The following DSCAML1 variants were observed in gnomAD, a reference collection of about 807,000 sequenced individuals.
The protein encoded by DSCAML1 is DS cell adhesion molecule like 1, also known as cell adhesion molecule DSCAML1.
Under a neutral mutation model 200.5 loss-of-function variants are expected in DSCAML1, and 38 were observed. The observed-to-expected ratio is 0.19, with a 90% CI of 0.15 to 0.25. The LOEUF (loss-of-function observed/expected upper bound fraction) is 0.25. Among genes scored for constraint, DSCAML1 ranks in the 10% least tolerant of loss-of-function variants. The probability of loss-of-function intolerance (pLI) is 1.00; values close to 1 mark genes in which losing one functional copy is unlikely to be tolerated. For missense variants in DSCAML1, 2,223 were observed against 2,858.8 expected (o/e 0.78, Z 5.07); for synonymous variants, 1,215 against 1,165.0 (o/e 1.04, Z -0.87).
chr11:117,813,194 T>C (rs1027219827), intron 1 of DSCAML1, among the ~76,000 whole-genome samples: 1 of 152,184 alleles, frequency 6.6e-6, no homozygotes, highest in South Asian at 2.1e-4. Context: ...CACTTTCCCT[T>C]CTCAGAAGTC....
intron 3 of DSCAML1, among the ~76,000 whole-genome samples, chr11:117,533,741 C>T (rs989284890): frequency 6.6e-6 from 1 of 152,110 alleles, no homozygotes; most frequent in Non-Finnish European, 1.5e-5. Flanking sequence ...TGTCTAAGGT[C>T]CTAAGGCTCA....
At chr11:117,547,648 C>T (rs548914765) in intron 3 of DSCAML1, among the ~76,000 whole-genome samples, 8 of 152,338 alleles carry the variant, frequency 5.3e-5, no homozygotes, top group African/African-American at 1.7e-4. Context: ...CAACACCCCG[C>T]GTGCTATAAA....
intron 21 of DSCAML1, among the ~76,000 whole-genome samples, chr11:117,443,660 C>G (rs574740190): frequency 6.6e-6 from 1 of 152,200 alleles, no homozygotes; most frequent in Non-Finnish European, 1.5e-5. Context: ...CCTGTCCACC[C>G]GCCCCAGGCA....
Position 117,469,776 on chromosome 11 carries a change from T to A in DSCAML1, c.3024+134A>T. 2.7e-6 allele frequency: 2 copies of A among 737,518 alleles called. No individual in the cohort carries two copies. The highest frequency in any genetic ancestry group is 4.0e-6 in the Non-Finnish European group (2 of 497,530). 45.7% of individuals were successfully genotyped at this position (737,518 alleles called of 1,614,324 possible). ...TCTCCTTCCATCTCTCAAATCTCAC[T>A]AGGTTTAGTGACAAAACAGACATGG... On this transcript the variant is annotated intron_variant, in intron 16 of 32. Transcript: ENST00000651296. The surrounding 1 kb of genome is among the most constrained non-coding windows in gnomAD (Gnocchi z 4.1).
rs541867567 is a variant in DSCAML1 at position 117,702,390 on chromosome 11, C to T, written c.511+74401G>A. 3.9e-5 allele frequency among the ~76,000 whole-genome samples: 6 copies of T among 152,118 alleles called. No homozygotes were observed. In the East Asian group the frequency reaches 7.8e-4, roughly 20 times the overall value. On this transcript the variant is annotated intron_variant, in intron 3 of 32. Transcript: ENST00000651296. Reference sequence around the variant, plus strand: ...CTTCTGCTTGGATAGCCCTTGCCTTCTTCTTTAGCTAGCACATACCTACTC... The same window carrying T: ...CTTCTGCTTGGATAGCCCTTGCCTTTTTCTTTAGCTAGCACATACCTACTC...
chr11:117,454,797 T>C (rs1167983112), intron 19 of DSCAML1, among the ~76,000 whole-genome samples: 4 of 152,226 alleles, frequency 2.6e-5, no homozygotes, highest in African/African-American at 9.7e-5. Flanking sequence ...CAATCTGGGG[T>C]AACTTAAATT....
chr11:117,630,350 C>T (rs1355748447), intron 3 of DSCAML1, among the ~76,000 whole-genome samples: 1 of 152,158 alleles, frequency 6.6e-6, no homozygotes, highest in African/African-American at 2.4e-5. Flanking sequence ...GCCCAACACA[C>T]ACAACACACA....
intron 1 of DSCAML1, among the ~76,000 whole-genome samples, chr11:117,792,621 C>A (rs964834013): frequency 6.6e-6 from 1 of 151,982 alleles, no homozygotes; most frequent in Non-Finnish European, 1.5e-5. Context: ...GGTGAAAGAG[C>A]ATTCTGCCTC....
intron 11 of DSCAML1, among the ~76,000 whole-genome samples, chr11:117,493,116 T>C (rs903835431): frequency 6.6e-6 from 1 of 152,064 alleles, no homozygotes; most frequent in Non-Finnish European, 1.5e-5. Flanking sequence ...CAGAGAATGG[T>C]TGGGGACTTG....
chr11:117,505,175 AC>A lies in DSCAML1; in HGVS notation c.2063-133del. On this transcript the variant is annotated intron_variant, in intron 9 of 32. Transcript: ENST00000651296. The surrounding 1 kb of genome is among the most constrained non-coding windows in gnomAD (Gnocchi z 6.7). ...AAGTTGGAAGCGGGCAGTTTCTGAA[AC>A]CCAAGATGCTGAGAACTTTTGTTGA... is the stretch of plus-strand genomic sequence containing the variant. 1 of 1,370,630 alleles carries A rather than the reference AC, an allele frequency of 7.3e-7. No individual in the cohort carries two copies. Among genetic ancestry groups the A allele is most frequent in the East Asian group, 2.3e-5 (1 of 42,962 alleles). The allele number at this position is 1,370,630 out of a possible 1,614,324, so 84.9% of individuals were successfully genotyped here.
chr11:117,470,566 A>C (rs2048666636), intron 15 of DSCAML1, among the ~76,000 whole-genome samples: 1 of 152,160 alleles, frequency 6.6e-6, no homozygotes, highest in Non-Finnish European at 1.5e-5. Flanking sequence ...ACTTCAGAAA[A>C]CATTCTAGCA....
At chr11:117,443,747 G>T in intron 21 of DSCAML1, 139 bp downstream of exon 21, 1 of 1,211,464 alleles carries the variant, frequency 8.3e-7, no homozygotes, top group Non-Finnish European at 1.1e-6. Context: ...GTGTGCGGGA[G>T]GCAGGCGGGT....
intron 11 of DSCAML1, 101 bp from the exon 12 acceptor site, chr11:117,482,263 C>G (rs1030826072): frequency 1.5e-6 from 2 of 1,358,796 alleles, no homozygotes; most frequent in Admixed American, 4.0e-5. Flanking sequence ...CCCTCCTCCC[C>G]CAGGAGAGGC....
chr11:117,664,973 C>T (rs534397164), intron 3 of DSCAML1, among the ~76,000 whole-genome samples: 1 of 152,316 alleles, frequency 6.6e-6, no homozygotes, highest in East Asian at 1.9e-4. Flanking sequence ...ACCCCCAGAC[C>T]CAGCACCCTT....
chr11:117,487,805 A>G (rs1176667522), intron 11 of DSCAML1, among the ~76,000 whole-genome samples: 1 of 151,780 alleles, frequency 6.6e-6, no homozygotes, highest in Non-Finnish European at 1.5e-5. Context: ...GGAAGGGAAG[A>G]CCTCCTACTT....
intron 3 of DSCAML1, among the ~76,000 whole-genome samples, chr11:117,656,644 T>C (rs756873207): frequency 1.3e-5 from 2 of 152,116 alleles, no homozygotes; most frequent in Non-Finnish European, 2.9e-5. Context: ...TGAGGCTTAG[T>C]AGGGTTAAGA....
At chr11:117,798,513 T>C (rs1013135990), upstream of DSCAML1, among the ~76,000 whole-genome samples, 1 of 152,216 alleles carries the variant, frequency 6.6e-6, no homozygotes, top group Admixed American at 6.5e-5. Flanking sequence ...TTCTGTGGCA[T>C]TAAATACATT....
chr11:117,789,707 C>T lies in DSCAML1; in HGVS notation c.46+7327G>A, dbSNP rs144191708. On this transcript the variant is annotated intron_variant, in intron 1 of 32. Transcript: ENST00000651296. ...GGGCAGGACATCTGCCTATCACAGTCGCAGGGCTGTCAAGTGGAAGAGGGC... is the reference window on the plus strand; with the variant it reads ...GGGCAGGACATCTGCCTATCACAGTTGCAGGGCTGTCAAGTGGAAGAGGGC... Among the ~76,000 whole-genome samples, 82 of 152,246 alleles carry T rather than the reference C, an allele frequency of 5.4e-4. 1 individual carries two copies. The Middle Eastern group carries it at 0.027, about 51-fold the overall frequency.
At position 117,780,227 on chromosome 11, in the gene DSCAML1, GAAAGGAAAGAAA is replaced by G. The variant is rs1401635899; in HGVS notation, c.364+254_364+265del. Among the ~76,000 whole-genome samples, 5 of 93,318 alleles carry G rather than the reference GAAAGGAAAGAAA, an allele frequency of 5.4e-5. No individual in the cohort carries two copies. Among genetic ancestry groups the G allele is most frequent in the African/African-American group, 2.0e-4 (4 of 19,810 alleles). 61.2% of individuals were successfully genotyped at this position (93,318 alleles called of 152,430 possible). ...AAAGAAAGAGAGAGAGAGAAAGAAA[GAAAGGAAAGAAA>G]GAAAGAAAGAAAGAAAGAAAGAAAG... On this transcript the variant is annotated intron_variant, in intron 2 of 32. Coordinates refer to ENST00000651296, the MANE Select transcript of DSCAML1 (RefSeq NM_020693.4). The surrounding 1 kb of genome is among the most constrained non-coding windows in gnomAD (Gnocchi z 4.8).
Sources: allele counts gnomAD v4.1 joint callset (sites outside exome capture counted in the v4.1 genomes callset), GRCh38; gene constraint gnomAD v4.1.1; non-coding constraint Gnocchi (gnomAD v3.1); transcripts MANE v1.5; gene names NCBI Gene and HGNC (gene_info 2026-07-23, HGNC 2026-07-21).